RNF214: variants seen among roughly 807,000 people sequenced by gnomAD.
The protein encoded by RNF214 is ring finger protein 214.
A neutral mutation model predicts 75.9 loss-of-function variants in RNF214; 25 were observed. That is an observed-to-expected ratio of 0.33 (90% CI 0.24 to 0.46). RNF214 has a LOEUF of 0.46. RNF214 is among the 20% of genes least tolerant of loss of function. The pLI, the probability that RNF214 is intolerant of heterozygous loss-of-function variation, is 1.00. For synonymous variants in RNF214, 314 were observed against 308.8 expected (o/e 1.02, Z -0.18); for missense variants, 725 against 857.5 (o/e 0.85, Z 1.93).
In RNF214 at chr11:117,246,955, G is replaced by C; in HGVS notation, c.959+7G>C. 1 of 1,598,704 alleles carries C rather than the reference G, an allele frequency of 6.3e-7. No individual in the cohort carries two copies. The highest frequency in any genetic ancestry group is 2.2e-5 in the East Asian group (1 of 44,780). ...TTTGTGAGAAGGGCAGAAGGTAACT[G>C]ATGTTAAGAATAAAAACCCTGTGTG... is the stretch of plus-strand genomic sequence containing the variant. On this transcript the variant is annotated splice_region_variant and intron_variant, in intron 6 of 14. Transcript: ENST00000300650.
rs1252442913 is a variant in RNF214 at position 117,282,605 on chromosome 11, A to G, written c.1845+69A>G. 2.5e-6 allele frequency: 4 copies of G among 1,585,174 alleles called. No homozygotes were observed. The Admixed American group carries it at 5.3e-5, about 21-fold the overall frequency. ...TGGGGAAGAGGTAGATTTCAGAAAAATGTGGGGTGGGAAGAAGCATTCCAG... is the reference window on the plus strand; with the variant it reads ...TGGGGAAGAGGTAGATTTCAGAAAAGTGTGGGGTGGGAAGAAGCATTCCAG... On this transcript the variant is annotated intron_variant, in intron 12 of 14. Transcript: ENST00000300650.
Position 117,285,112 on chromosome 11 carries a change from C to T in RNF214, c.2073C>T (p.Asn691=), listed in dbSNP as rs745366464. The T allele has an allele frequency of 6.2e-7, 1 of 1,612,866 alleles. No homozygotes were observed. Among genetic ancestry groups the T allele is most frequent in the Non-Finnish European group, 8.5e-7 (1 of 1,178,930 alleles). The change falls in exon 15 of 15, where the codon AAC becomes AAT. Residue 691 remains asparagine, a synonymous_variant. Transcript: ENST00000300650. The stretch of plus-strand genomic sequence containing the variant: ...GTATCAAATTCTGGGCCCAGACCAA[C>T]ACAAATGACACTTGTCCCTTTTGTC... The part of the protein sequence containing the change: ...KECIKFWAQT[N]TNDTCPFCPT...
intron 14 of RNF214, among the ~76,000 whole-genome samples, chr11:117,283,793 C>T (rs1397800712): frequency 6.6e-6 from 1 of 152,016 alleles, no homozygotes; most frequent in Non-Finnish European, 1.5e-5. Context: ...GCTGAGATTA[C>T]AGGCACATGC....
intron 6 of RNF214, among the ~76,000 whole-genome samples, chr11:117,269,278 A>T (rs2033859154): frequency 6.6e-6 from 1 of 152,178 alleles, no homozygotes; most frequent in South Asian, 2.1e-4. Flanking sequence ...AATGAACCTA[A>T]ACAACAATGG....
At chr11:117,253,253 C>G (rs975805983) in intron 6 of RNF214, among the ~76,000 whole-genome samples, 23 of 152,202 alleles carry the variant, frequency 1.5e-4, no homozygotes, top group African/African-American at 5.3e-4. Flanking sequence ...CTTGACCTCT[C>G]AAAATTTTAG....
chr11:117,282,739 C>CCTACAGCCA lies in RNF214; in HGVS notation c.1846-4_1850dup. ...TTCCCTTACTCTGACAATGTTTCTA[C>CCTACAGCCA]CTACAGCCACTTGGTCGCATCCGGG... On this transcript the variant is annotated splice_region_variant and splice_polypyrimidine_tract_variant and intron_variant, in intron 12 of 14. Coordinates refer to ENST00000300650, the MANE Select transcript of RNF214 (RefSeq NM_207343.4). The CCTACAGCCA allele has an allele frequency of 6.2e-7, 1 of 1,612,018 alleles. No individual in the cohort carries two copies. The highest frequency in any genetic ancestry group is 1.1e-5 in the South Asian group (1 of 91,032).
Position 117,275,439 on chromosome 11 carries a change from A to G in RNF214, c.960-4469A>G, listed in dbSNP as rs530658601. Among the ~76,000 whole-genome samples, 11 of 152,348 alleles carry G rather than the reference A, an allele frequency of 7.2e-5. 1 individual carries two copies. The South Asian group carries it at 8.3e-4, about 11-fold the overall frequency. On this transcript the variant is annotated intron_variant, in intron 6 of 14. Coordinates refer to ENST00000300650, the MANE Select transcript of RNF214 (RefSeq NM_207343.4). ...AAACAAAATTGAAACCAAAAAATAC[A>G]AAGGATCAATAAAATTAAAAGTTGT...
intron 6 of RNF214, among the ~76,000 whole-genome samples, chr11:117,267,326 T>C (rs1192532963): frequency 6.6e-6 from 1 of 152,172 alleles, no homozygotes; most frequent in African/African-American, 2.4e-5. Flanking sequence ...AAGATCACCT[T>C]CTTCTTGGAG....
intron 6 of RNF214, among the ~76,000 whole-genome samples, chr11:117,257,393 C>G (rs1221234876): frequency 6.6e-6 from 1 of 152,104 alleles, no homozygotes; most frequent in African/African-American, 2.4e-5. Context: ...GAAATGGATT[C>G]AGGAAGAATT....
At chr11:117,255,715 T>A (rs2033505099) in intron 6 of RNF214, among the ~76,000 whole-genome samples, 2 of 152,120 alleles carry the variant, frequency 1.3e-5, no homozygotes, top group African/African-American at 4.8e-5. Context: ...ACCCAGCCTC[T>A]TGTATATTCT....
chr11:117,280,189 C>T lies in RNF214; in HGVS notation c.1075C>T (p.Arg359Trp). 3 of 1,613,252 alleles carry T rather than the reference C, an allele frequency of 1.9e-6. No homozygotes were observed. Among genetic ancestry groups the T allele is most frequent in the East Asian group, 2.2e-5 (1 of 44,866 alleles). The change falls in exon 8 of 15, where the codon CGG becomes TGG. Residue 359 changes from arginine (R) to tryptophan (W), a missense_variant. Transcript: ENST00000300650. ...TCCTTAGATCTTATCACTAGAGAGC[C>T]GGAAAGAGTTACTGGTACTGAAACT... is the stretch of plus-strand genomic sequence containing the variant. ...WKAEILSLESRKELLVLKLEE... is the reference protein window; with the variant it reads ...WKAEILSLESWKELLVLKLEE...
At position 117,282,738 on chromosome 11, in the gene RNF214, A is replaced by G; in HGVS notation, c.1846-8A>G. 6.8e-6 allele frequency: 11 copies of G among 1,611,424 alleles called. No individual in the cohort carries two copies. The highest frequency in any genetic ancestry group is 9.3e-6 in the Non-Finnish European group (11 of 1,177,606). On this transcript the variant is annotated splice_polypyrimidine_tract_variant and splice_region_variant and intron_variant, in intron 12 of 14. Coordinates refer to ENST00000300650, the MANE Select transcript of RNF214 (RefSeq NM_207343.4). ...CTTCCCTTACTCTGACAATGTTTCT[A>G]CCTACAGCCACTTGGTCGCATCCGG... is the stretch of plus-strand genomic sequence containing the variant.
At chr11:117,270,276 G>T (rs2033883332) in intron 6 of RNF214, among the ~76,000 whole-genome samples, 1 of 124,460 alleles carries the variant, frequency 8.0e-6, no homozygotes, top group Non-Finnish European at 1.6e-5. Flanking sequence ...TTGAGTCAGG[G>T]TCTTACTCAG....
chr11:117,265,850 G>A (rs538425824), intron 6 of RNF214, among the ~76,000 whole-genome samples: 1 of 152,114 alleles, frequency 6.6e-6, no homozygotes, highest in Non-Finnish European at 1.5e-5. Context: ...TCAAGGTATA[G>A]CACATACCTA....
chr11:117,269,437 C>T (rs548961513), intron 6 of RNF214, among the ~76,000 whole-genome samples: 5 of 152,216 alleles, frequency 3.3e-5, no homozygotes, highest in African/African-American at 1.2e-4. Flanking sequence ...TCATGGCTCA[C>T]CACAGCCTCG....
intron 6 of RNF214, among the ~76,000 whole-genome samples, chr11:117,271,834 G>A (rs1456821248): frequency 2.0e-5 from 3 of 152,056 alleles, no homozygotes; most frequent in Non-Finnish European, 4.4e-5. Context: ...GTTGTATTTT[G>A]TTTTGAGACA....
chr11:117,254,357 T>C (rs1209267042), intron 6 of RNF214, among the ~76,000 whole-genome samples: 2 of 152,130 alleles, frequency 1.3e-5, no homozygotes, highest in African/African-American at 2.4e-5. Flanking sequence ...CACTCAAGTG[T>C]CCTTCTGACT....
At chr11:117,254,190 A>T (rs916160037) in intron 6 of RNF214, among the ~76,000 whole-genome samples, 2 of 152,082 alleles carry the variant, frequency 1.3e-5, no homozygotes, top group Admixed American at 1.3e-4. Context: ...TGGAGGTTGC[A>T]GTGAGCTGAG....
intron 6 of RNF214, among the ~76,000 whole-genome samples, chr11:117,258,588 T>A (rs1056280352): frequency 2.0e-5 from 3 of 152,174 alleles, no homozygotes; most frequent in African/African-American, 7.2e-5. Flanking sequence ...AATATACAAA[T>A]CTTTTTTTTT....
Sources: gnomAD v4.1 joint callset for allele counts (sites outside exome capture counted in the v4.1 genomes callset) on GRCh38, gnomAD v4.1.1 for gene constraint, MANE v1.5 for transcripts, NCBI Gene and HGNC (gene_info 2026-07-23, HGNC 2026-07-21) for gene names.